FOCAD: variants seen among roughly 807,000 people sequenced by gnomAD.
FOCAD encodes the protein focadhesin.
In FOCAD, 198 loss-of-function variants were observed where a neutral mutation model predicts 225.6. That is an observed-to-expected ratio of 0.88 (90% confidence interval 0.78 to 0.99). The LOEUF is 0.99. Among genes scored for constraint, FOCAD ranks in the 50% least tolerant of loss-of-function variants. The probability of loss-of-function intolerance (pLI) is 0.00; values close to 1 mark genes in which losing one functional copy is unlikely to be tolerated. For synonymous variants in FOCAD, 897 were observed against 755.0 expected (o/e 1.19, Z -3.08); for missense variants, 2,713 against 2,123.6 (o/e 1.28, Z -5.46).
At chr9:20,883,474 A>G (rs1830848134) in intron 20 of FOCAD, among the ~76,000 whole-genome samples, 1 of 152,204 alleles carries the variant, frequency 6.6e-6, no homozygotes, top group African/African-American at 2.4e-5. Flanking sequence ...TGTACATGGA[A>G]AATTTACCAA....
At chr9:20,670,816 T>A (rs1055942645) in intron 2 of FOCAD, among the ~76,000 whole-genome samples, 1 of 152,158 alleles carries the variant, frequency 6.6e-6, no homozygotes, top group Non-Finnish European at 1.5e-5. Context: ...TTTCTATGAT[T>A]CCAAAGTCTA....
At chr9:20,788,871 C>T (rs1162946191) in intron 10 of FOCAD, among the ~76,000 whole-genome samples, 1 of 152,178 alleles carries the variant, frequency 6.6e-6, no homozygotes, top group Non-Finnish European at 1.5e-5. Flanking sequence ...CCAGCTGAAC[C>T]AACTTTGTTC....
At chr9:20,955,127 G>C (rs368981623) in intron 35 of FOCAD, among the ~76,000 whole-genome samples, 7 of 152,166 alleles carry the variant, frequency 4.6e-5, no homozygotes, top group East Asian at 1.9e-4. Flanking sequence ...GGAATAAATG[G>C]TTTTAGAAAA....
At chr9:20,733,704 A>C (rs1405527130) in intron 4 of FOCAD, among the ~76,000 whole-genome samples, 2 of 152,170 alleles carry the variant, frequency 1.3e-5, no homozygotes, top group Non-Finnish European at 2.9e-5. Flanking sequence ...TGTGTTCAGG[A>C]AGTCCTTCCT....
At position 20,866,919 on chromosome 9, in the gene FOCAD, CCCT is replaced by C; in HGVS notation, c.2107-9_2107-7del. On this transcript the variant is annotated splice_region_variant and splice_polypyrimidine_tract_variant and intron_variant, in intron 17 of 43. Transcript: ENST00000338382. Reference sequence around the variant, plus strand: ...TTTTTTTTTTTTTTTTTTTTTTTTACCCTATCTAGGACCCAATTGTAGCAAATG... The same window carrying C: ...TTTTTTTTTTTTTTTTTTTTTTTTACATCTAGGACCCAATTGTAGCAAATG... 8.4e-6 allele frequency: 1 copy of C among 119,112 alleles called. No individual in the cohort carries two copies. The highest frequency in any genetic ancestry group is 1.5e-5 in the Non-Finnish European group (1 of 65,230). The allele number at this position is 119,112 out of a possible 1,614,324, so 7.4% of individuals were successfully genotyped here.
intron 15 of FOCAD, among the ~76,000 whole-genome samples, chr9:20,860,235 T>TA (rs746008817): frequency 1.3e-5 from 2 of 152,202 alleles, no homozygotes; most frequent in Non-Finnish European, 2.9e-5. Context: ...CATGTGTGTT[T>TA]AAAAATGTCC....
intron 21 of FOCAD, among the ~76,000 whole-genome samples, chr9:20,903,476 C>A (rs966650663): frequency 1.2e-4 from 18 of 151,886 alleles, no homozygotes; most frequent in Admixed American, 3.3e-4. Context: ...TGTCCTTTTA[C>A]AATATAAATT....
chr9:20,673,639 G>A (rs1029336048), intron 2 of FOCAD, among the ~76,000 whole-genome samples: 4 of 152,008 alleles, frequency 2.6e-5, no homozygotes, highest in Non-Finnish European at 4.4e-5. Context: ...CTGTCACCTA[G>A]GCTGGAGTGC....
At chr9:20,934,998 A>G (rs531583554) in intron 28 of FOCAD, among the ~76,000 whole-genome samples, 11 of 152,210 alleles carry the variant, frequency 7.2e-5, no homozygotes, top group Non-Finnish European at 1.5e-4. Context: ...AACACATCCC[A>G]TGCTCATAGA....
At chr9:20,934,440 C>T (rs1310179869) in intron 28 of FOCAD, among the ~76,000 whole-genome samples, 3 of 151,710 alleles carry the variant, frequency 2.0e-5, no homozygotes, top group African/African-American at 7.3e-5. Flanking sequence ...TGTAGCTTGC[C>T]AATTAAGCTT....
In FOCAD at chr9:20,855,747, T is replaced by C. The variant is rs745526324; in HGVS notation, c.1921-6831T>C. ...CATTTCTGCTGTATTCCCCAGCTCC[T>C]TGCCACCCTTTGCAGCCTCTGTTAA... On this transcript the variant is annotated intron_variant, in intron 15 of 43. Coordinates refer to ENST00000338382, the MANE Select transcript of FOCAD (RefSeq NM_001375567.1). 1.5e-4 allele frequency among the ~76,000 whole-genome samples: 22 copies of C among 151,542 alleles called. 1 individual carries two copies. The highest frequency in any genetic ancestry group is 3.3e-4 in the Admixed American group (5 of 15,150).
chr9:20,945,458 G>C (rs973461273), intron 29 of FOCAD, among the ~76,000 whole-genome samples: 78 of 152,162 alleles, frequency 5.1e-4, no homozygotes, highest in African/African-American at 1.6e-3. Flanking sequence ...TTTTATCCCA[G>C]CCTGCCCATG....
At chr9:20,670,180 A>G (rs1822017830) in intron 2 of FOCAD, among the ~76,000 whole-genome samples, 1 of 152,168 alleles carries the variant, frequency 6.6e-6, no homozygotes, top group Non-Finnish European at 1.5e-5. Flanking sequence ...GGTGCACAGT[A>G]AGTATTTATT....
intron 15 of FOCAD, among the ~76,000 whole-genome samples, chr9:20,829,688 T>A (rs1050006604): frequency 1.3e-5 from 2 of 152,128 alleles, no homozygotes; most frequent in African/African-American, 4.8e-5. Flanking sequence ...TTTGTGGGCC[T>A]TTCACTACAA....
intron 10 of FOCAD, among the ~76,000 whole-genome samples, chr9:20,782,258 A>C (rs1032974358): frequency 6.6e-6 from 1 of 152,208 alleles, no homozygotes; most frequent in Non-Finnish European, 1.5e-5. Context: ...TTAAAATTAT[A>C]CTGTTAGTTA....
chr9:20,666,268 T>C (rs1251124826), intron 2 of FOCAD, among the ~76,000 whole-genome samples: 1 of 152,134 alleles, frequency 6.6e-6, no homozygotes, highest in African/African-American at 2.4e-5. Context: ...ATATTACATA[T>C]AGCATGAATA....
At chr9:20,814,175 C>T (rs576848085) in intron 11 of FOCAD, among the ~76,000 whole-genome samples, 2 of 152,010 alleles carry the variant, frequency 1.3e-5, no homozygotes, top group Non-Finnish European at 2.9e-5. Flanking sequence ...CAGTTTAATC[C>T]ATTTACATTG....
intron 9 of FOCAD, among the ~76,000 whole-genome samples, chr9:20,779,357 T>A (rs1819120954): frequency 6.6e-6 from 1 of 152,172 alleles, no homozygotes; most frequent in Non-Finnish European, 1.5e-5. Context: ...TCACTTTACT[T>A]GGTCTGATCC....
At chr9:20,690,211 C>A (rs1158689719) in intron 1 of FOCAD, among the ~76,000 whole-genome samples, 1 of 152,194 alleles carries the variant, frequency 6.6e-6, no homozygotes, top group African/African-American at 2.4e-5. Context: ...GACAGCGCCT[C>A]ACTTATGCAC....
Sources: gnomAD v4.1 joint callset for allele counts (sites outside exome capture counted in the v4.1 genomes callset) on GRCh38, gnomAD v4.1.1 for gene constraint, MANE v1.5 for transcripts, NCBI Gene and HGNC (gene_info 2026-07-23, HGNC 2026-07-21) for gene names.